Variants in LRRC43 observed in about 807,000 individuals in gnomAD.
LRRC43 encodes leucine-rich repeat-containing protein 43.
LRRC43 carries 62 observed loss-of-function variants against 64.3 expected under a neutral mutation model. That is an observed-to-expected ratio of 0.96 (90% confidence interval 0.79 to 1.19). The LOEUF is 1.19. Among genes scored for constraint, LRRC43 ranks in the 50% most tolerant of loss-of-function variants. The pLI, the probability that LRRC43 is intolerant of heterozygous loss-of-function variation, is 0.00. For missense variants in LRRC43, 868 were observed against 845.0 expected (o/e 1.03, Z -0.34); for synonymous variants, 422 against 382.3 (o/e 1.10, Z -1.21).
At chr12:122,178,699 G>C (rs7305669), upstream of LRRC43, among the ~76,000 whole-genome samples, 80,308 of 148,438 alleles carry the variant, frequency 0.54, 22,099 homozygotes, top group East Asian at 0.69. Flanking sequence ...TCAAGCGATT[G>C]TCCTGCCTCA....
intron 1 of LRRC43, among the ~76,000 whole-genome samples, chr12:122,177,500 TG>T (rs1362864716): frequency 6.6e-6 from 1 of 151,426 alleles, no homozygotes; most frequent in African/African-American, 2.4e-5. Flanking sequence ...TGTGTGTGTG[TG>T]TGTGTGTGTG....
At chr12:122,186,611 A>G (rs1467723966) in intron 3 of LRRC43, among the ~76,000 whole-genome samples, 2 of 152,162 alleles carry the variant, frequency 1.3e-5, no homozygotes, top group African/African-American at 2.4e-5. Context: ...TAAACAGATG[A>G]ATGGATAAAC....
rs748502116 is a variant in LRRC43 at position 122,192,963 on chromosome 12, G to T, written c.1308G>T (p.Lys436Asn). The T allele has an allele frequency of 1.9e-6, 3 of 1,614,114 alleles. No individual in the cohort carries two copies. Among genetic ancestry groups the T allele is most frequent in the Non-Finnish European group, 2.5e-6 (3 of 1,180,016 alleles). Residue 436 changes from lysine to asparagine, a missense_variant, in exon 7 of 12, where the codon AAG (lysine) becomes AAT (asparagine). Coordinates refer to ENST00000339777, the MANE Select transcript of LRRC43 (RefSeq NM_001098519.2). ...GGGCCTCTGCAGAAGAGCTGGCCAAGTTGAGGCTGCGTATAGATCCCCGGC... is the reference window on the plus strand; with the variant it reads ...GGGCCTCTGCAGAAGAGCTGGCCAATTTGAGGCTGCGTATAGATCCCCGGC... ...MPRASAEELA[K>N]LRLRIDPRLC...
chr12:122,183,016 G>A, upstream of LRRC43: 1 of 1,367,558 alleles, frequency 7.3e-7, no homozygotes, highest in Non-Finnish European at 9.5e-7. Flanking sequence ...AAGAGAAAAC[G>A]CAGGTGGTTG....
chr12:122,191,555 C>T lies in LRRC43; in HGVS notation c.1077C>T (p.Gly359=), dbSNP rs1369337890. The T allele has an allele frequency of 5.6e-6, 9 of 1,613,534 alleles. No homozygotes were observed. Among genetic ancestry groups the T allele is most frequent in the South Asian group, 2.2e-5 (2 of 91,010 alleles). The change falls in exon 6 of 12, where the codon GGC becomes GGT. Residue 359 remains glycine (G), a synonymous_variant. Transcript: ENST00000339777. ...DEEGEMNESA[G]VLAEIVKPSP... is the part of the protein sequence containing the mutation. ...AAGGCGAAATGAATGAGTCCGCGGG[C>T]GTCCTGGCCGAGGTGTGCCCTGGTC...
At chr12:122,197,830 TCA>T (rs2136057802) in intron 7 of LRRC43, among the ~76,000 whole-genome samples, 1 of 152,262 alleles carries the variant, frequency 6.6e-6, no homozygotes, top group African/African-American at 2.4e-5. Flanking sequence ...ACTCTTCTAC[TCA>T]CTTCTCCGGT....
chr12:122,179,903 G>GGAGGTTGCGGTGAGCC (rs1354897725), upstream of LRRC43, among the ~76,000 whole-genome samples: 3 of 151,000 alleles, frequency 2.0e-5, no homozygotes, highest in Non-Finnish European at 4.4e-5. Context: ...CCCAGAAGGT[G>GGAGGTTGCGGTGAGCC]GAGGTTGCGG....
chr12:122,174,827 T>C (rs995657789), intron 1 of LRRC43, among the ~76,000 whole-genome samples: 2 of 151,664 alleles, frequency 1.3e-5, no homozygotes, highest in East Asian at 3.9e-4. Flanking sequence ...CTTGAAATCC[T>C]TGTTCATATC....
At chr12:122,189,456 C>A (rs772981999) in intron 4 of LRRC43, 2 of 456,688 alleles carry the variant, frequency 4.4e-6, no homozygotes, top group Admixed American at 4.7e-5. Context: ...TGACAGCGGC[C>A]GCTTGTGTTT....
chr12:122,186,676 T>C (rs1398301272), intron 3 of LRRC43, among the ~76,000 whole-genome samples: 1 of 152,130 alleles, frequency 6.6e-6, no homozygotes, highest in Non-Finnish European at 1.5e-5. Context: ...CCCAGCACTT[T>C]GGGAGGCCGA....
rs538964010 is a variant in LRRC43, at chr12:122,199,079, C to T, written c.1350-1110C>T. On this transcript the variant is annotated intron_variant, in intron 7 of 11. Coordinates refer to ENST00000339777, the MANE Select transcript of LRRC43 (RefSeq NM_001098519.2). ...TGCAACCTCCACCTCCCAGGTTCAA[C>T]GTTCAACTTGGACATACTTTAAATT... 5.5e-5 allele frequency among the ~76,000 whole-genome samples: 8 copies of T among 146,760 alleles called. No individual in the cohort carries two copies. In the East Asian group the frequency reaches 1.6e-3, roughly 30 times the overall value.
Position 122,200,090 on chromosome 12 carries a change from C to A in LRRC43, c.1350-99C>A. The A allele has an allele frequency of 7.5e-7, 1 of 1,332,338 alleles. No homozygotes were observed. The highest frequency in any genetic ancestry group is 1.0e-6 in the Non-Finnish European group (1 of 962,300). The allele number at this position is 1,332,338 out of a possible 1,614,324, so 82.5% of individuals were successfully genotyped here. On this transcript the variant is annotated intron_variant, in intron 7 of 11. Transcript: ENST00000339777. This position sits in a 1 kb window ranked among gnomAD's most constrained non-coding sequence, Gnocchi z 4.6. ...CTCATGCTGTTTGTGGGCTTCGATG[C>A]TCGTGGTCTCCTCGGATGTCCCCTC... is the stretch of plus-strand genomic sequence containing the variant.
rs1159233294 is a variant in LRRC43 at position 122,200,628 on chromosome 12, A to G, written c.1588A>G (p.Arg530Gly). The G allele has an allele frequency of 4.3e-6, 7 of 1,614,068 alleles. No individual in the cohort carries two copies. The highest frequency in any genetic ancestry group is 1.3e-5 in the African/African-American group (1 of 74,948). Residue 530 changes from arginine (R) to glycine (G), a missense_variant, in exon 9 of 12, where the codon AGG (arginine) becomes GGG (glycine). Arg to Gly is a moderately radical substitution (Grantham distance 125). Transcript: ENST00000339777. The surrounding 1 kb of genome is among the most constrained non-coding windows in gnomAD (Gnocchi z 4.6). ...AGACAAGAAAGGGAAGGAGAAAGAC[A>G]GGACGGGGAAAGGAGAGAAAGAGCC... is the stretch of plus-strand genomic sequence containing the variant. ...EKDKKGKEKD[R>G]TGKGEKEPAK...
chr12:122,200,978 C>T lies in LRRC43; in HGVS notation c.1809+44C>T. 1 of 1,541,722 alleles carries T rather than the reference C, an allele frequency of 6.5e-7. No individual in the cohort carries two copies. The highest frequency in any genetic ancestry group is 1.3e-5 in the South Asian group (1 of 78,832). On this transcript the variant is annotated intron_variant, in intron 10 of 11. Coordinates refer to ENST00000339777, the MANE Select transcript of LRRC43 (RefSeq NM_001098519.2). The surrounding 1 kb of genome is among the most constrained non-coding windows in gnomAD (Gnocchi z 4.6). The stretch of plus-strand genomic sequence containing the variant: ...CACATCCTCCACCTCTGCCTTCGCC[C>T]TCCCCATGGGAACCCCGCGGGCAAG...
chr12:122,191,538 A>C lies in LRRC43; in HGVS notation c.1060A>C (p.Met354Leu). ...TTTTGTGAAAGATGAAGAAGGCGAA[A>C]TGAATGAGTCCGCGGGCGTCCTGGC... ...YDFVKDEEGE[M>L]NESAGVLAEI... Residue 354 changes from methionine (M) to leucine (L), a missense_variant, in exon 6 of 12, where the codon ATG (methionine) becomes CTG (leucine). Met to Leu is a conservative substitution (Grantham distance 15). Transcript: ENST00000339777. 6.2e-7 allele frequency: 1 copy of C among 1,614,158 alleles called. No homozygotes were observed. The highest frequency in any genetic ancestry group is 8.5e-7 in the Non-Finnish European group (1 of 1,180,024).
intron 2 of LRRC43, among the ~76,000 whole-genome samples, chr12:122,185,427 C>T (rs977140801): frequency 1.3e-5 from 2 of 152,066 alleles, no homozygotes; most frequent in Non-Finnish European, 2.9e-5. Context: ...TGATCATGAT[C>T]GCACCGCTGC....
chr12:122,183,250 C>G lies in LRRC43; in HGVS notation c.106C>G (p.Arg36Gly), dbSNP rs377569418. The change falls in exon 1 of 12, where the codon CGG (arginine) becomes GGG (glycine). Residue 36 changes from arginine (R) to glycine (G), a missense_variant. By Grantham distance (125) the Arg-to-Gly change is moderately radical. Transcript: ENST00000339777. ...TVSAAVREHL[R>G]KLCLREFPCG... is the part of the protein sequence containing the mutation. ...GAGCGCGGCCGTGCGCGAGCACTTG[C>G]GGAAGCTGTGTCTGCGCGAGTTCCC... is the stretch of plus-strand genomic sequence containing the variant. The G allele has an allele frequency of 3.8e-6, 6 of 1,569,258 alleles. No homozygotes were observed. The African/African-American group carries it at 8.4e-5, about 22-fold the overall frequency.
chr12:122,173,990 G>C (rs1280369947), intron 1 of LRRC43: 1 of 1,614,040 alleles, frequency 6.2e-7, no homozygotes, highest in Admixed American at 1.7e-5. Flanking sequence ...GACGTCGAGG[G>C]GCCTGGAGAG....
At position 122,190,281 on chromosome 12, in the gene LRRC43, G is replaced by A. The variant is rs569976296; in HGVS notation, c.814G>A (p.Asp272Asn). The A allele has an allele frequency of 2.2e-5, 36 of 1,614,124 alleles. No homozygotes were observed. Among genetic ancestry groups the A allele is most frequent in the South Asian group, 6.6e-5 (6 of 91,074 alleles). Residue 272 changes from aspartate (D) to asparagine (N), a missense_variant, in exon 5 of 12, where the codon GAC (aspartate) becomes AAC (asparagine). By Grantham distance (23) the Asp-to-Asn change is conservative (BLOSUM62 1). Transcript: ENST00000339777. ...LVPYYRGLTI[D>N]SLAQLCVLDD... ...GCCCTACTACCGCGGCCTCACCATC[G>A]ACAGCCTGGCCCAGCTCTGCGTGCT...
Sources: gnomAD v4.1 joint callset for allele counts (sites outside exome capture counted in the v4.1 genomes callset) on GRCh38, gnomAD v4.1.1 for gene constraint, Gnocchi (gnomAD v3.1) non-coding constraint, MANE v1.5 for transcripts, NCBI Gene and HGNC (gene_info 2026-07-23, HGNC 2026-07-21) for gene names.